Variants in CCDC85A observed in about 807,000 individuals in gnomAD.
CCDC85A encodes coiled-coil domain containing 85A, also known as coiled-coil domain-containing protein 85A.
In CCDC85A, 38 loss-of-function variants were observed where a neutral mutation model predicts 50.2. The ratio of observed to expected loss-of-function variants is 0.76; its 90% CI spans 0.58 to 0.99. The LOEUF (loss-of-function observed/expected upper bound fraction) is 0.99, where lower values mean the gene tolerates loss of function less well. Among genes scored for constraint, CCDC85A ranks in the 50% least tolerant of loss-of-function variants. The pLI is 0.00. For missense variants in CCDC85A, 820 were observed against 742.0 expected, an observed-to-expected ratio of 1.11 and a Z score of -1.22; for synonymous variants, 366 against 301.4, an observed-to-expected ratio of 1.21 and a Z score of -2.22.
At chr2:56,208,931 G>T (rs1288231567) in intron 2 of CCDC85A, among the ~76,000 whole-genome samples, 4 of 152,008 alleles carry the variant, frequency 2.6e-5, no homozygotes, top group African/African-American at 9.7e-5. Flanking sequence ...TTATAATCCA[G>T]CTAAGGGGAA....
rs773078371 is a variant in CCDC85A at position 56,189,295 on chromosome 2, G to GTATTTTTTT, written c.277-3181_277-3180insATTTTTTTT. Among the ~76,000 whole-genome samples, 24 of 100,432 alleles carry GTATTTTTTT rather than the reference G, an allele frequency of 2.4e-4. 1 individual carries two copies. The highest frequency in any genetic ancestry group is 3.6e-4 in the Non-Finnish European group (18 of 50,414). The allele number at this position is 100,432 out of a possible 152,430, so 65.9% of individuals were successfully genotyped here. ...GCAAAACATGCACGGGGTATTTTTGGTGTTTTTTTTTTTTTTTGAGACAAG... is the reference window on the plus strand; with the variant it reads ...GCAAAACATGCACGGGGTATTTTTGGTATTTTTTTTGTTTTTTTTTTTTTTTGAGACAAG... On this transcript the variant is annotated intron_variant, in intron 1 of 5. Transcript: ENST00000407595.
chr2:56,381,234 C>T (rs1041312449), intron 5 of CCDC85A, among the ~76,000 whole-genome samples: 7 of 152,094 alleles, frequency 4.6e-5, no homozygotes, highest in Admixed American at 2.0e-4. Flanking sequence ...CACCACCATT[C>T]ACTTTCTGTA....
intron 5 of CCDC85A, among the ~76,000 whole-genome samples, chr2:56,377,869 C>T (rs1454033825): frequency 7.0e-6 from 1 of 143,752 alleles, no homozygotes; most frequent in Non-Finnish European, 1.5e-5. Flanking sequence ...GCCTGGGTGA[C>T]AGTGTGAAAC....
chr2:56,333,078 A>G (rs1162246072), intron 2 of CCDC85A, among the ~76,000 whole-genome samples: 26 of 152,240 alleles, frequency 1.7e-4, no homozygotes. Context: ...AGGGAGAAAC[A>G]GGCCTTATAT....
At chr2:56,258,116 G>C (rs1670064548) in intron 2 of CCDC85A, among the ~76,000 whole-genome samples, 2 of 152,164 alleles carry the variant, frequency 1.3e-5, no homozygotes, top group Admixed American at 1.3e-4. Context: ...CTTCCGAGTA[G>C]GGAGTGTGAG....
At chr2:56,312,814 T>A (rs1672756364) in intron 2 of CCDC85A, among the ~76,000 whole-genome samples, 1 of 152,220 alleles carries the variant, frequency 6.6e-6, no homozygotes, top group African/African-American at 2.4e-5. Flanking sequence ...ATGTACTAAG[T>A]AAATTGATCT....
rs6736137 is a variant in CCDC85A, at chr2:56,317,339, G to A, written c.1241-25540G>A. ...ATTTACTTTCCATATTAAGGAACACGCTCACCCTTGTATGGAGTGATCCAA... is the reference window on the plus strand; with the variant it reads ...ATTTACTTTCCATATTAAGGAACACACTCACCCTTGTATGGAGTGATCCAA... On this transcript the variant is annotated intron_variant, in intron 2 of 5. Coordinates refer to ENST00000407595, the MANE Select transcript of CCDC85A (RefSeq NM_001080433.2). Among the ~76,000 whole-genome samples, 1,353 of 152,058 alleles carry A rather than the reference G, an allele frequency of 8.9e-3. 28 individuals carry two copies. The highest frequency in any genetic ancestry group is 0.031 in the African/African-American group (1,272 of 41,504).
chr2:56,238,179 G>T (rs1413396517), intron 2 of CCDC85A, among the ~76,000 whole-genome samples: 1 of 152,124 alleles, frequency 6.6e-6, no homozygotes, highest in Non-Finnish European at 1.5e-5. Context: ...ACTTTGGGAG[G>T]CCGAGGTGGG....
chr2:56,344,848 G>T (rs1558651324), intron 3 of CCDC85A, among the ~76,000 whole-genome samples: 2 of 151,774 alleles, frequency 1.3e-5, no homozygotes, highest in South Asian at 2.1e-4. Context: ...AAATCCAAGT[G>T]ATTTTTGTTC....
chr2:56,302,599 A>G (rs1672259768), intron 2 of CCDC85A, among the ~76,000 whole-genome samples: 1 of 152,234 alleles, frequency 6.6e-6, no homozygotes, highest in African/African-American at 2.4e-5. Flanking sequence ...GTTTTATACT[A>G]TTTGTTTAGC....
At chr2:56,265,956 T>C (rs558314668) in intron 2 of CCDC85A, among the ~76,000 whole-genome samples, 1 of 152,350 alleles carries the variant, frequency 6.6e-6, no homozygotes, top group African/African-American at 2.4e-5. Flanking sequence ...GGCATACTAT[T>C]CAGTCTTTAA....
intron 2 of CCDC85A, among the ~76,000 whole-genome samples, chr2:56,255,566 A>C (rs1173688402): frequency 6.6e-6 from 1 of 152,084 alleles, no homozygotes; most frequent in Non-Finnish European, 1.5e-5. Flanking sequence ...GAGTTTTCAC[A>C]GCCAGGATAA....
chr2:56,355,114 T>C (rs1444956796), intron 3 of CCDC85A, among the ~76,000 whole-genome samples: 1 of 152,206 alleles, frequency 6.6e-6, no homozygotes, highest in Non-Finnish European at 1.5e-5. Context: ...GAGCCTGAGT[T>C]TGGCTGTTGA....
rs138559617 is a variant in CCDC85A, at chr2:56,228,295, G to A, written c.1240+34855G>A. ...GTATACATATGTAACAAACCTGCAC[G>A]TTGTGCACGTGTCCCCTAAAACTTA... is the stretch of plus-strand genomic sequence containing the variant. On this transcript the variant is annotated intron_variant, in intron 2 of 5. Coordinates refer to ENST00000407595, the MANE Select transcript of CCDC85A (RefSeq NM_001080433.2). 2.8e-3 allele frequency among the ~76,000 whole-genome samples: 424 copies of A among 151,084 alleles called. 3 individuals are homozygous for A. Among genetic ancestry groups the A allele is most frequent in the Non-Finnish European group, 3.8e-3 (258 of 67,826 alleles).
chr2:56,308,086 G>A (rs1672525552), intron 2 of CCDC85A, among the ~76,000 whole-genome samples: 1 of 152,176 alleles, frequency 6.6e-6, no homozygotes, highest in African/African-American at 2.4e-5. Context: ...GAGAATATCT[G>A]GAGACTTGGT....
At chr2:56,208,730 C>T (rs1324767483) in intron 2 of CCDC85A, among the ~76,000 whole-genome samples, 1 of 152,062 alleles carries the variant, frequency 6.6e-6, no homozygotes, top group African/African-American at 2.4e-5. Flanking sequence ...TCACCCAACA[C>T]ATATGATAAA....
chr2:56,345,032 T>A (rs937075586), intron 3 of CCDC85A, among the ~76,000 whole-genome samples: 2 of 151,906 alleles, frequency 1.3e-5, no homozygotes, highest in Admixed American at 6.6e-5. Flanking sequence ...ATCAGAAGAG[T>A]CCTTAACTAT....
intron 3 of CCDC85A, among the ~76,000 whole-genome samples, chr2:56,367,454 C>A (rs1675853233): frequency 6.6e-6 from 1 of 152,126 alleles, no homozygotes; most frequent in Admixed American, 6.6e-5. Context: ...GAGCTGTCAC[C>A]AGAAATTTTG....
chr2:56,190,738 C>T (rs538086467), intron 1 of CCDC85A, among the ~76,000 whole-genome samples: 4 of 152,270 alleles, frequency 2.6e-5, no homozygotes, highest in African/African-American at 7.2e-5. Context: ...TGCTACCACA[C>T]GTCCAAGCCA....
Sources: allele counts gnomAD v4.1 joint callset (sites outside exome capture counted in the v4.1 genomes callset), GRCh38; gene constraint gnomAD v4.1.1; transcripts MANE v1.5; gene names NCBI Gene and HGNC (gene_info 2026-07-23, HGNC 2026-07-21).